KCNAB1: variants seen among roughly 807,000 people sequenced by gnomAD.
The protein encoded by KCNAB1 is voltage-gated potassium channel subunit beta-1.
KCNAB1 carries 35 observed loss-of-function variants against 64.6 expected under a neutral mutation model. The observed-to-expected ratio is 0.54, with a 90% CI of 0.41 to 0.72. KCNAB1 has a LOEUF of 0.72. Among genes scored for constraint, KCNAB1 ranks in the 30% least tolerant of loss-of-function variants. KCNAB1 has a pLI of 0.00. For synonymous variants in KCNAB1, 177 were observed against 183.8 expected (o/e 0.96, Z 0.30); for missense variants, 401 against 512.9 (o/e 0.78, Z 2.11).
At chr3:156,380,523 T>G (rs942350301) in intron 1 of KCNAB1, among the ~76,000 whole-genome samples, 1 of 152,188 alleles carries the variant, frequency 6.6e-6, no homozygotes, top group African/African-American at 2.4e-5. Context: ...GTCTCCAGAT[T>G]GAACACATTT....
intron 8 of KCNAB1, among the ~76,000 whole-genome samples, chr3:156,484,189 G>A (rs920759420): frequency 2.0e-5 from 3 of 151,724 alleles, no homozygotes; most frequent in African/African-American, 7.3e-5. Context: ...ACTCAACAGC[G>A]AAGGCAGAAG....
intron 1 of KCNAB1, among the ~76,000 whole-genome samples, chr3:156,290,229 T>A (rs1306360504): frequency 6.6e-6 from 1 of 152,234 alleles, no homozygotes; most frequent in Non-Finnish European, 1.5e-5. Context: ...GAATATTTTG[T>A]CCTTCCCTCC....
At chr3:156,390,353 A>G (rs1487041309) in intron 1 of KCNAB1, among the ~76,000 whole-genome samples, 3 of 152,226 alleles carry the variant, frequency 2.0e-5, no homozygotes, top group African/African-American at 4.8e-5. Context: ...ACTTAGAAAA[A>G]AAAACCCTAC....
chr3:156,487,398 A>T (rs1338227972), intron 8 of KCNAB1, among the ~76,000 whole-genome samples: 1 of 152,190 alleles, frequency 6.6e-6, no homozygotes, highest in African/African-American at 2.4e-5. Flanking sequence ...TATATGCCAC[A>T]AAAGCCTCAA....
At chr3:156,279,594 G>A (rs1480760820) in intron 1 of KCNAB1, among the ~76,000 whole-genome samples, 6 of 151,882 alleles carry the variant, frequency 4.0e-5, no homozygotes, top group Non-Finnish European at 5.9e-5. Flanking sequence ...CAGTGTAAAA[G>A]TGTTCCTATT....
chr3:156,487,897 A>T (rs972948134), intron 8 of KCNAB1, among the ~76,000 whole-genome samples: 14 of 116,828 alleles, frequency 1.2e-4, no homozygotes, highest in South Asian at 6.7e-4. Context: ...AAAGGGAGAT[A>T]AAAAAAAAAT....
chr3:156,391,863 GATC>G (rs1371728939), intron 1 of KCNAB1, among the ~76,000 whole-genome samples: 1 of 152,158 alleles, frequency 6.6e-6, no homozygotes, highest in Non-Finnish European at 1.5e-5. Flanking sequence ...GAGAAAAAGA[GATC>G]ATCATTATTA....
intron 2 of KCNAB1, among the ~76,000 whole-genome samples, chr3:156,435,831 A>AT (rs1716548935): frequency 6.6e-6 from 1 of 151,258 alleles, no homozygotes; most frequent in South Asian, 2.1e-4. Context: ...GTTCAGTTCT[A>AT]TTTTTCATGG....
chr3:156,517,008 A>G (rs1717606511), intron 11 of KCNAB1, among the ~76,000 whole-genome samples: 1 of 152,262 alleles, frequency 6.6e-6, no homozygotes, highest in Non-Finnish European at 1.5e-5. Context: ...GAGAGTACTC[A>G]AAAATCTCTC....
chr3:156,342,405 C>T (rs148158719), intron 1 of KCNAB1, among the ~76,000 whole-genome samples: 221 of 152,212 alleles, frequency 1.5e-3, no homozygotes, highest in African/African-American at 4.7e-3. Context: ...ATCTCAATGC[C>T]TAGCCATGGC....
intron 11 of KCNAB1, among the ~76,000 whole-genome samples, chr3:156,522,826 G>A (rs1459005896): frequency 9.7e-6 from 1 of 103,066 alleles, no homozygotes; most frequent in East Asian, 3.2e-4. Context: ...ATCTGCGATG[G>A]CTATTATGTA....
At chr3:156,432,274 T>A (rs1379596265) in intron 2 of KCNAB1, among the ~76,000 whole-genome samples, 1 of 152,204 alleles carries the variant, frequency 6.6e-6, no homozygotes, top group Non-Finnish European at 1.5e-5. Flanking sequence ...TGTGAGTCAA[T>A]TCAATTTGCC....
intron 2 of KCNAB1, among the ~76,000 whole-genome samples, chr3:156,439,486 A>C (rs1446960542): frequency 6.6e-6 from 1 of 152,224 alleles, no homozygotes; most frequent in Non-Finnish European, 1.5e-5. Flanking sequence ...ACAGTGATGA[A>C]CAAGACAGAC....
intron 1 of KCNAB1, among the ~76,000 whole-genome samples, chr3:156,327,751 G>T (rs914440667): frequency 6.6e-6 from 1 of 152,088 alleles, no homozygotes; most frequent in Non-Finnish European, 1.5e-5. Context: ...GGAGTCAGGG[G>T]AAATGGAGAA....
At position 156,139,587 on chromosome 3, in the gene KCNAB1, T is replaced by TTG. The variant is rs1213168798; in HGVS notation, c.275+18702_275+18703insGT. Among the ~76,000 whole-genome samples the TTG allele has an allele frequency of 5.7e-3, 770 of 134,724 alleles. 6 individuals carry two copies. The highest frequency in any genetic ancestry group is 9.1e-3 in the Non-Finnish European group (575 of 63,174). The allele number at this position is 134,724 out of a possible 152,430, so 88.4% of individuals were successfully genotyped here. On this transcript the variant is annotated intron_variant, in intron 1 of 13. Transcript: ENST00000490337. ...CTCCCTAACTCCATTGTACTGTGTT[T>TTG]TTTTTTTTTTTTTTTTTTTTTTTGT...
At chr3:156,199,919 A>C (rs1394697082) in intron 1 of KCNAB1, among the ~76,000 whole-genome samples, 2 of 152,154 alleles carry the variant, frequency 1.3e-5, no homozygotes, top group African/African-American at 4.8e-5. Context: ...TGAAATTTTC[A>C]TCACTTTTGC....
At chr3:156,247,840 C>T (rs573158026) in intron 1 of KCNAB1, among the ~76,000 whole-genome samples, 14 of 152,346 alleles carry the variant, frequency 9.2e-5, no homozygotes, top group South Asian at 6.2e-4. Flanking sequence ...GCTGAGATTA[C>T]AGGCAGGAGC....
intron 2 of KCNAB1, among the ~76,000 whole-genome samples, chr3:156,451,278 G>A (rs575697797): frequency 2.0e-5 from 3 of 152,340 alleles, no homozygotes; most frequent in East Asian, 1.9e-4. Context: ...CTCTGGATAC[G>A]TAGAGTATAA....
At chr3:156,159,051 G>A (rs1577653820) in intron 1 of KCNAB1, among the ~76,000 whole-genome samples, 2 of 151,884 alleles carry the variant, frequency 1.3e-5, no homozygotes, top group South Asian at 2.1e-4. Context: ...AGTTTATGGC[G>A]AGGCAACCTA....
Sources: gnomAD v4.1 joint callset for allele counts (sites outside exome capture counted in the v4.1 genomes callset) on GRCh38, gnomAD v4.1.1 for gene constraint, MANE v1.5 for transcripts, NCBI Gene and HGNC (gene_info 2026-07-23, HGNC 2026-07-21) for gene names.